The following SRGAP3 variants were observed in gnomAD, a reference collection of about 807,000 sequenced individuals.
The protein encoded by SRGAP3 is SLIT-ROBO Rho GTPase activating protein 3.
Under a neutral mutation model 121.1 loss-of-function variants are expected in SRGAP3, and 39 were observed. The ratio of observed to expected loss-of-function variants is 0.32; its 90% CI spans 0.25 to 0.42. The LOEUF (loss-of-function observed/expected upper bound fraction) is 0.42. Among genes scored for constraint, SRGAP3 ranks in the 10% least tolerant of loss-of-function variants. SRGAP3 has a pLI of 1.00. For missense variants in SRGAP3, 1,213 were observed against 1,470.6 expected (o/e 0.82, Z 2.86); for synonymous variants, 601 against 570.0 (o/e 1.05, Z -0.77).
chr3:9,014,768 CT>C (rs1943549290), intron 15 of SRGAP3: 1 of 152,208 alleles, frequency 6.6e-6, no homozygotes, highest in South Asian at 2.1e-4. Context: ...TCCTGGGACA[CT>C]TTCCTGGCTG....
chr3:9,281,502 C>G (rs949423307), intron 3 of SRGAP3, among the ~76,000 whole-genome samples: 17 of 152,120 alleles, frequency 1.1e-4, no homozygotes, highest in African/African-American at 3.9e-4. Context: ...CACTCAACTT[C>G]TTTGAATCTG....
At chr3:9,242,438 C>T (rs1241208235) in intron 1 of SRGAP3, among the ~76,000 whole-genome samples, 1 of 152,050 alleles carries the variant, frequency 6.6e-6, no homozygotes, top group African/African-American at 2.4e-5. Flanking sequence ...AGTTTGAGAC[C>T]AGCCTGGGCA....
At chr3:9,216,248 C>G (rs1285134816) in intron 1 of SRGAP3, among the ~76,000 whole-genome samples, 1 of 152,204 alleles carries the variant, frequency 6.6e-6, no homozygotes, top group African/African-American at 2.4e-5. Flanking sequence ...CAGGCCCTGC[C>G]TCTCACCTGG....
chr3:9,098,744 G>A (rs971896919), intron 3 of SRGAP3, among the ~76,000 whole-genome samples: 1 of 152,232 alleles, frequency 6.6e-6, no homozygotes, highest in African/African-American at 2.4e-5. Context: ...TTAGCCCAGA[G>A]CCTGGCACAC....
At chr3:9,060,560 G>A (rs1219147266) in intron 5 of SRGAP3, among the ~76,000 whole-genome samples, 1 of 151,340 alleles carries the variant, frequency 6.6e-6, no homozygotes, top group Non-Finnish European at 1.5e-5. Flanking sequence ...CGAGTAGCTG[G>A]GACTATAGAT....
chr3:9,355,890 G>A (rs1254589002), intron 1 of SRGAP3: 3 of 152,182 alleles, frequency 2.0e-5, no homozygotes, highest in African/African-American at 7.2e-5. Flanking sequence ...AGGCAGAAGG[G>A]AAAGAGAACA....
In SRGAP3 at chr3:9,015,666, G is replaced by A; in HGVS notation, c.1744C>T (p.Leu582=). 3 of 1,614,098 alleles carry A rather than the reference G, an allele frequency of 1.9e-6. No homozygotes were observed. Among genetic ancestry groups the A allele is most frequent in the African/African-American group, 1.3e-5 (1 of 75,048 alleles). The part of the protein sequence containing the change: ...DINSVAGVLK[L]YFRGLENPLF... Reference sequence around the variant, plus strand: ...GGGTTTTCCAGTCCTCGGAAATACAGTTTTAAAACACCAGCGACTGAATTG... The same window carrying A: ...GGGTTTTCCAGTCCTCGGAAATACAATTTTAAAACACCAGCGACTGAATTG... Residue 582 remains leucine (L), a synonymous_variant, in exon 15 of 22, where the codon CTG becomes TTG. Transcript: ENST00000383836.
chr3:9,179,193 C>T (rs749178081), intron 1 of SRGAP3, among the ~76,000 whole-genome samples: 8 of 152,310 alleles, frequency 5.3e-5, no homozygotes, highest in East Asian at 1.9e-4. Context: ...CTCCTGCCAG[C>T]GTATCCCCTT....
chr3:9,009,079 A>C (rs746257127), intron 18 of SRGAP3, among the ~76,000 whole-genome samples: 17 of 152,216 alleles, frequency 1.1e-4, no homozygotes, highest in Non-Finnish European at 2.2e-4. Context: ...AAGCCATCCC[A>C]ACCCTGGGAC....
At chr3:9,268,834 C>T (rs769957672) in intron 3 of SRGAP3, among the ~76,000 whole-genome samples, 3 of 152,152 alleles carry the variant, frequency 2.0e-5, no homozygotes, top group South Asian at 2.1e-4. Flanking sequence ...TTTTGCACTA[C>T]GTCACACTGC....
chr3:9,256,902 G>C (rs752156245), intron 3 of SRGAP3: 50 of 398,398 alleles, frequency 1.3e-4, no homozygotes, highest in Middle Eastern at 6.2e-4. Flanking sequence ...TACACTTTAA[G>C]AAACAGAATA....
At chr3:9,119,110 A>T (rs1948910224) in intron 2 of SRGAP3, among the ~76,000 whole-genome samples, 4 of 152,148 alleles carry the variant, frequency 2.6e-5, no homozygotes, top group Non-Finnish European at 5.9e-5. Context: ...CCAAAGGAGG[A>T]CAGACAAGTA....
At chr3:9,068,709 T>A (rs898420337) in intron 4 of SRGAP3, among the ~76,000 whole-genome samples, 1 of 152,232 alleles carries the variant, frequency 6.6e-6, no homozygotes, top group African/African-American at 2.4e-5. Flanking sequence ...CTCAATAGAC[T>A]AGAACAGTTA....
intron 2 of SRGAP3, among the ~76,000 whole-genome samples, chr3:9,113,017 G>A (rs1287731907): frequency 6.6e-6 from 1 of 152,230 alleles, no homozygotes; most frequent in East Asian, 1.9e-4. Context: ...AAGCCCTCAT[G>A]GGCACGGGCA....
At chr3:9,277,984 A>ACCT (rs1954614182) in intron 3 of SRGAP3, among the ~76,000 whole-genome samples, 1 of 152,172 alleles carries the variant, frequency 6.6e-6, no homozygotes, top group Non-Finnish European at 1.5e-5. Flanking sequence ...CCATGTGAGG[A>ACCT]CACAGCTGGA....
intron 1 of SRGAP3, among the ~76,000 whole-genome samples, chr3:9,213,688 A>G (rs1400651504): frequency 1.3e-5 from 2 of 152,248 alleles, no homozygotes; most frequent in Non-Finnish European, 2.9e-5. Flanking sequence ...AATTGCACAT[A>G]GAATAAAATA....
Position 9,167,059 on chromosome 3 carries a change from G to A in SRGAP3, c.68-42142C>T, listed in dbSNP as rs917945068. 8.6e-5 allele frequency among the ~76,000 whole-genome samples: 13 copies of A among 152,022 alleles called. No homozygotes were observed. The South Asian group carries it at 1.5e-3, about 17-fold the overall frequency. Reference sequence around the variant, plus strand: ...AGCCTCCTGGAGACCCCTAGTCCTCGGGCTCTTAATCCTTCTGCGAACCAG... The same window carrying A: ...AGCCTCCTGGAGACCCCTAGTCCTCAGGCTCTTAATCCTTCTGCGAACCAG... On this transcript the variant is annotated intron_variant, in intron 1 of 21. Transcript: ENST00000383836.
chr3:9,063,317 T>G (rs568350853), intron 5 of SRGAP3, among the ~76,000 whole-genome samples: 26 of 151,940 alleles, frequency 1.7e-4, no homozygotes, highest in African/African-American at 6.0e-4. Context: ...TTTGTAGAGA[T>G]AGGGTTCTGC....
At chr3:9,290,919 A>G (rs1559262515) in intron 3 of SRGAP3, among the ~76,000 whole-genome samples, 1 of 152,164 alleles carries the variant, frequency 6.6e-6, no homozygotes, top group Non-Finnish European at 1.5e-5. Context: ...TTATTTCACA[A>G]AACTTTTGTT....
Sources: allele counts gnomAD v4.1 joint callset (sites outside exome capture counted in the v4.1 genomes callset), GRCh38; gene constraint gnomAD v4.1.1; transcripts MANE v1.5; gene names NCBI Gene and HGNC (gene_info 2026-07-23, HGNC 2026-07-21).